Variants in ZNF671 observed in about 807,000 individuals in gnomAD.
ZNF671 encodes the protein hypothetical protein FLJ23506.
Under a neutral mutation model 16.6 loss-of-function variants are expected in ZNF671, and 19 were observed. The ratio of observed to expected loss-of-function variants is 1.14; its 90% CI spans 0.80 to 1.68. The LOEUF (loss-of-function observed/expected upper bound fraction) is 1.68. Among genes scored for constraint, ZNF671 ranks in the 40% most tolerant of loss-of-function variants. The pLI is 0.00. For missense variants in ZNF671, 637 were observed against 659.8 expected (o/e 0.97, Z 0.38); for synonymous variants, 238 against 236.3 (o/e 1.01, Z -0.06).
At position 57,721,585 on chromosome 19, in the gene ZNF671, G is replaced by A. The variant is rs751474714; in HGVS notation, c.501C>T (p.Asp167=). The change falls in exon 4 of 4, where the codon GAC becomes GAT. Residue 167 remains aspartate, a synonymous_variant. Transcript: ENST00000317398. ...TATCTTTCAATATTGGGCCACATAT[G>A]TCACATGGGTGAGACTCCAGCTCTG... ...LMAELESHPC[D]ICGPILKDTL... The A allele has an allele frequency of 6.2e-7, 1 of 1,614,150 alleles. No homozygotes were observed. The highest frequency in any genetic ancestry group is 1.1e-5 in the South Asian group (1 of 91,084).
In ZNF671 at chr19:57,720,524, GTC is replaced by G. The variant is rs1568466505; in HGVS notation, c.1560_1561del (p.Gln520HisfsTer18). 6.2e-7 allele frequency: 1 copy of G among 1,614,210 alleles called. No homozygotes were observed. The highest frequency in any genetic ancestry group is 1.1e-5 in the South Asian group (1 of 91,086). On this transcript the variant is annotated frameshift_variant, in exon 4 of 4. Coordinates refer to ENST00000317398, the MANE Select transcript of ZNF671 (RefSeq NM_024833.3). LOFTEE classifies it low-confidence loss of function (END_TRUNC). ...ATGAACCCTCTGGTGCAGAACAAGT[GTC>G]TGTTTCCGGATGAATTCTCTCCCGC... is the stretch of plus-strand genomic sequence containing the variant.
intron 1 of ZNF671, among the ~76,000 whole-genome samples, chr19:57,724,351 T>C (rs1241150001): frequency 6.6e-6 from 1 of 152,118 alleles, no homozygotes; most frequent in East Asian, 1.9e-4. Context: ...TGGACACCCC[T>C]GATTTAAAGT....
At chr19:57,727,228 C>T in intron 1 of ZNF671, 163 bp downstream of exon 1, 1 of 1,021,528 alleles carries the variant, frequency 9.8e-7, no homozygotes, top group Non-Finnish European at 1.4e-6. Context: ...CGAGCCTTTA[C>T]CTGCGCCGTC....
At position 57,727,486 on chromosome 19, in the gene ZNF671, C is replaced by T. The variant is rs746245277; in HGVS notation, c.43G>A (p.Gly15Arg). ...GATCGGGGACGCAGGCACTTCCGTC[C>T]CTGCAGAGCATCAGACGCGTCTCGG... ...VSRDASDALQ[G>R]RKCLRPRSRR... Residue 15 changes from glycine to arginine, a missense_variant, in exon 1 of 4, where the codon GGA becomes AGA. Gly to Arg is a moderately radical substitution (Grantham distance 125). Coordinates refer to ENST00000317398, the MANE Select transcript of ZNF671 (RefSeq NM_024833.3). 5.6e-6 allele frequency: 9 copies of T among 1,613,170 alleles called. No homozygotes were observed. In the East Asian group the frequency reaches 2.0e-4, roughly 36 times the overall value.
At chr19:57,726,374 AATCAG>A (rs1002029518) in intron 1 of ZNF671, among the ~76,000 whole-genome samples, 11 of 151,998 alleles carry the variant, frequency 7.2e-5, no homozygotes, top group Non-Finnish European at 1.2e-4. Context: ...AGGGTGAGAT[AATCAG>A]ATAGTAGCAA....
At position 57,722,376 on chromosome 19, in the gene ZNF671, A is replaced by G; in HGVS notation, c.328T>C (p.Tyr110His). The stretch of plus-strand genomic sequence containing the variant: ...GCTGAAGTCATATCCACCTGGTCAT[A>G]CACCCAGGGCTCTTCTCCTCGCTCT... The part of the protein sequence containing the change: ...KLERGEEPWV[Y>H]DQVDMTSATE... The change falls in exon 3 of 4, where the codon TAT (tyrosine) becomes CAT (histidine). Residue 110 changes from tyrosine (Y) to histidine (H), a missense_variant. Tyr to His is a moderately conservative substitution (Grantham distance 83). Transcript: ENST00000317398. 6.2e-7 allele frequency: 1 copy of G among 1,614,110 alleles called. No individual in the cohort carries two copies. Among genetic ancestry groups the G allele is most frequent in the Non-Finnish European group, 8.5e-7 (1 of 1,180,016 alleles).
Position 57,722,414 on chromosome 19 carries a change from G to A in ZNF671, c.290C>T (p.Ala97Val), listed in dbSNP as rs1213672291. The change falls in exon 3 of 4, where the codon GCA (alanine) becomes GTA (valine). Residue 97 changes from alanine (A) to valine (V), a missense_variant. Coordinates refer to ENST00000317398, the MANE Select transcript of ZNF671 (RefSeq NM_024833.3). ...SLGIAFSRSRAVMKLERGEEP... is the reference protein window; with the variant it reads ...SLGIAFSRSRVVMKLERGEEP... Reference sequence around the variant, plus strand: ...TTCTCCTCGCTCTAGTTTCATGACTGCACGTGATCTGGAAAATGCAATTCC... The same window carrying A: ...TTCTCCTCGCTCTAGTTTCATGACTACACGTGATCTGGAAAATGCAATTCC... 4 of 1,613,962 alleles carry A rather than the reference G, an allele frequency of 2.5e-6. No homozygotes were observed. The highest frequency in any genetic ancestry group is 1.3e-5 in the African/African-American group (1 of 75,036).
At chr19:57,723,866 TAAA>T (rs11310575) in intron 1 of ZNF671, among the ~76,000 whole-genome samples, 94 of 126,964 alleles carry the variant, frequency 7.4e-4, no homozygotes, top group East Asian at 2.0e-3. Flanking sequence ...CCGTCTCTAC[TAAA>T]AAAAAAAAAA....
chr19:57,720,930 G>A lies in ZNF671; in HGVS notation c.1156C>T (p.Arg386Ter), dbSNP rs759513050. Residue 386 changes from arginine to a stop codon, truncating the protein, a stop_gained, in exon 4 of 4, where the codon CGA (arginine) becomes TGA (stop). Coordinates refer to ENST00000317398, the MANE Select transcript of ZNF671 (RefSeq NM_024833.3). LOFTEE classifies it low-confidence loss of function (END_TRUNC). Reference protein sequence around the residue: ...KFFSSKSNLIRHQEVHTGARP... With the variant: ...KFFSSKSNLI ...GCTCCTGTGTGAACTTCCTGGTGTC[G>A]AATGAGATTAGACTTACTGCTAAAA... The A allele has an allele frequency of 1.2e-5, 19 of 1,613,818 alleles. No individual in the cohort carries two copies. Among genetic ancestry groups the A allele is most frequent in the East Asian group, 1.1e-4 (5 of 44,892 alleles).
At chr19:57,723,425 A>C (rs1321399954) in intron 1 of ZNF671, 85 bp from the exon 2 acceptor site, 1 of 1,491,208 alleles carries the variant, frequency 6.7e-7, no homozygotes, top group Non-Finnish European at 9.0e-7. Flanking sequence ...CCTGCTAACT[A>C]ACCTCCCAGG....
At chr19:57,723,902 G>A (rs1489692274) in intron 1 of ZNF671, among the ~76,000 whole-genome samples, 1 of 151,656 alleles carries the variant, frequency 6.6e-6, no homozygotes, top group Non-Finnish European at 1.5e-5. Flanking sequence ...AAATTAGCTG[G>A]GCATGGTGGT....
Position 57,720,051 on chromosome 19 carries a change from G to T in ZNF671, c.*430C>A, listed in dbSNP as rs1985796030. 1 of 178,510 alleles carries T rather than the reference G, an allele frequency of 5.6e-6. No individual in the cohort carries two copies. Among genetic ancestry groups the T allele is most frequent in the Admixed American group, 5.3e-5 (1 of 18,806 alleles). The allele number at this position is 178,510 out of a possible 1,614,324, so 11.1% of individuals were successfully genotyped here. On this transcript the variant is annotated 3_prime_UTR_variant, in exon 4 of 4. Coordinates refer to ENST00000317398, the MANE Select transcript of ZNF671 (RefSeq NM_024833.3). ...AGGTCTGCCCGTCACAAGCATGCTG[G>T]GGTAAATGGTAAACGCAGTATGATT... is the stretch of plus-strand genomic sequence containing the variant.
rs751971816 is a variant in ZNF671 at position 57,723,163 on chromosome 19, C to G, written c.265+51G>C. On this transcript the variant is annotated intron_variant, in intron 2 of 3. Coordinates refer to ENST00000317398, the MANE Select transcript of ZNF671 (RefSeq NM_024833.3). ...GGTGAAGGAAGCGGTGCTCATGATC[C>G]CACCATAGGAAGAACAGAGTGGTAA... 1.2e-5 allele frequency: 19 copies of G among 1,544,360 alleles called. No homozygotes were observed. In the South Asian group the frequency reaches 2.3e-4, roughly 19 times the overall value.
In ZNF671 at chr19:57,727,476, C is replaced by G; in HGVS notation, c.53G>C (p.Cys18Ser). The change falls in exon 1 of 4, where the codon TGC becomes TCC. Residue 18 changes from cysteine to serine, a missense_variant. Physicochemically the swap from Cys to Ser is moderately radical, Grantham distance 112. Transcript: ENST00000317398. ...CAGGCGTCTCGATCGGGGACGCAGG[C>G]ACTTCCGTCCCTGCAGAGCATCAGA... is the stretch of plus-strand genomic sequence containing the variant. The part of the protein sequence containing the change: ...DASDALQGRK[C>S]LRPRSRRLPL... 6.2e-7 allele frequency: 1 copy of G among 1,613,262 alleles called. No individual in the cohort carries two copies. The highest frequency in any genetic ancestry group is 8.5e-7 in the Non-Finnish European group (1 of 1,179,646).
In ZNF671 at chr19:57,727,521, G is replaced by A. The variant is rs2122476238; in HGVS notation, c.8C>T (p.Ser3Phe). Residue 3 changes from serine to phenylalanine, a missense_variant, in exon 1 of 4, where the codon TCC becomes TTC. Transcript: ENST00000317398. ...ATCAGACGCGTCTCGGGACACTGGG[G>A]ACAACATCTCCTCCGCGCTTTCCCA... is the stretch of plus-strand genomic sequence containing the variant. MLSPVSRDASDAL... is the reference protein window; with the variant it reads MLFPVSRDASDAL... 2 of 1,602,020 alleles carry A rather than the reference G, an allele frequency of 1.2e-6. No individual in the cohort carries two copies. The highest frequency in any genetic ancestry group is 1.7e-6 in the Non-Finnish European group (2 of 1,170,850).
Position 57,721,228 on chromosome 19 carries a change from C to A in ZNF671, c.858G>T (p.Arg286Ser). The change falls in exon 4 of 4, where the codon AGG becomes AGT. Residue 286 changes from arginine (R) to serine (S), a missense_variant. By Grantham distance (110) the Arg-to-Ser change is moderately radical (BLOSUM62 -1). Transcript: ENST00000317398. ...TGAAGGCTTTCCCACATTCACCACA[C>A]CTGTGATACCTCTGTCCCATGAGAA... ...SGFLMGQRYHRCGECGKAFTR... is the reference protein window; with the variant it reads ...SGFLMGQRYHSCGECGKAFTR... 2 of 1,602,978 alleles carry A rather than the reference C, an allele frequency of 1.2e-6. No homozygotes were observed. Among genetic ancestry groups the A allele is most frequent in the Non-Finnish European group, 1.7e-6 (2 of 1,173,572 alleles).
chr19:57,721,328 G>A lies in ZNF671; in HGVS notation c.758C>T (p.Thr253Ile). ...GGCCTGATGCTGAAGAAGGCCAGAT[G>A]TGGCTGAAAAGTCTCTCCTACCTTT... ...CGKGRRDFSA[T>I]SGLLQHQASL... Residue 253 changes from threonine (T) to isoleucine (I), a missense_variant, in exon 4 of 4, where the codon ACA becomes ATA. By Grantham distance (89) the Thr-to-Ile change is moderately conservative (BLOSUM62 -1). Transcript: ENST00000317398. The A allele has an allele frequency of 1.2e-6, 2 of 1,606,324 alleles. No individual in the cohort carries two copies. Among genetic ancestry groups the A allele is most frequent in the African/African-American group, 1.3e-5 (1 of 74,882 alleles).
chr19:57,721,752 C>T (rs1985884917), intron 3 of ZNF671, 55 bp from the exon 4 acceptor site: 2 of 1,570,532 alleles, frequency 1.3e-6, no homozygotes, highest in South Asian at 1.2e-5. Flanking sequence ...GAAGGGGCAA[C>T]CTCATTGTAT....
intron 1 of ZNF671, among the ~76,000 whole-genome samples, chr19:57,725,485 C>T (rs1174379572): frequency 6.6e-6 from 1 of 151,736 alleles, no homozygotes; most frequent in African/African-American, 2.4e-5. Context: ...GAAAAATTAG[C>T]GGGGTGTGGT....
Sources: gnomAD v4.1 joint callset for allele counts (sites outside exome capture counted in the v4.1 genomes callset) on GRCh38, gnomAD v4.1.1 for gene constraint, MANE v1.5 for transcripts, NCBI Gene and HGNC (gene_info 2026-07-23, HGNC 2026-07-21) for gene names.